RNF38: variants seen among roughly 807,000 people sequenced by gnomAD.
RNF38 encodes the protein ring finger protein 38.
A neutral mutation model predicts 67.2 loss-of-function variants in RNF38; 15 were observed. The observed-to-expected ratio is 0.22, with a 90% CI of 0.15 to 0.34. The LOEUF (loss-of-function observed/expected upper bound fraction) is 0.34, where lower values mean the gene tolerates loss of function less well. Among genes scored for constraint, RNF38 ranks in the 10% least tolerant of loss-of-function variants. The probability of loss-of-function intolerance (pLI) is 1.00; values close to 1 mark genes in which losing one functional copy is unlikely to be tolerated. For missense variants in RNF38, 524 were observed against 639.9 expected (o/e 0.82, Z 1.95); for synonymous variants, 220 against 218.8 (o/e 1.01, Z -0.05).
chr9:36,444,630 T>C lies in RNF38; in HGVS notation n.242-19947A>G, dbSNP rs374194258. ...GCCTGACCAACATACTGAAATCCCA[T>C]CTCTACCAAAAATACAAAAATTAGC... On this transcript the variant is annotated intron_variant and non_coding_transcript_variant, in intron 1 of 3. Coordinates refer to the RNF38 transcript ENST00000488058. Among the ~76,000 whole-genome samples the C allele has an allele frequency of 5.9e-5, 9 of 152,172 alleles. No homozygotes were observed. In the East Asian group the frequency reaches 1.2e-3, roughly 20 times the overall value.
intron 9 of RNF38, among the ~76,000 whole-genome samples, chr9:36,345,751 C>T (rs1437931912): frequency 1.3e-5 from 2 of 152,144 alleles, no homozygotes; most frequent in African/African-American, 4.8e-5. Flanking sequence ...AAATAAGGAT[C>T]CAAACAAATC....
chr9:36,381,891 C>G (rs1836238030), intron 2 of RNF38, among the ~76,000 whole-genome samples: 1 of 152,184 alleles, frequency 6.6e-6, no homozygotes, highest in African/African-American at 2.4e-5. Context: ...GAATAAACCT[C>G]TTTAAAATGT....
At chr9:36,481,600 A>C (rs886901263) in intron 1 of RNF38, among the ~76,000 whole-genome samples, 2 of 152,206 alleles carry the variant, frequency 1.3e-5, no homozygotes, top group Non-Finnish European at 2.9e-5. Flanking sequence ...CAGCAGCATA[A>C]GCAAATTGAA....
intron 11 of RNF38, 104 bp downstream of exon 11, chr9:36,342,221 A>AT: frequency 1.2e-6 from 1 of 802,310 alleles, no homozygotes; most frequent in Non-Finnish European, 2.1e-6. Flanking sequence ...CTGTGTTTCC[A>AT]TTTTGTCTTC....
chr9:36,485,568 A>G (rs1201694190), intron 1 of RNF38, among the ~76,000 whole-genome samples: 1 of 152,168 alleles, frequency 6.6e-6, no homozygotes, highest in Non-Finnish European at 1.5e-5. Flanking sequence ...AGTCTCTCAC[A>G]AGTACATTTT....
Position 36,355,107 on chromosome 9 carries a change from C to T in RNF38, c.909+1196G>A, listed in dbSNP as rs144681867. Among the ~76,000 whole-genome samples, 151 of 152,354 alleles carry T rather than the reference C, an allele frequency of 9.9e-4. 1 individual carries two copies. Among genetic ancestry groups the T allele is most frequent in the Admixed American group, 3.5e-3 (54 of 15,302 alleles). On this transcript the variant is annotated intron_variant, in intron 6 of 11. Coordinates refer to ENST00000259605, the MANE Select transcript of RNF38 (RefSeq NM_022781.5). The stretch of plus-strand genomic sequence containing the variant: ...AAAAGATTGTCTTGCAGAAGCAATT[C>T]TACCTCTTCTGATGAGCCAAACTTG...
chr9:36,399,474 C>T (rs1029285164), intron 1 of RNF38, among the ~76,000 whole-genome samples: 8 of 110,214 alleles, frequency 7.3e-5, no homozygotes, highest in African/African-American at 2.7e-4. Context: ...GTGAAATATA[C>T]CATATTATAA....
At chr9:36,445,584 A>T (rs1839281522) in intron 1 of RNF38, among the ~76,000 whole-genome samples, 1 of 152,218 alleles carries the variant, frequency 6.6e-6, no homozygotes, top group Non-Finnish European at 1.5e-5. Flanking sequence ...GATGAGAGAG[A>T]GTGAAACAGT....
At chr9:36,346,900 T>C (rs1396237339) in intron 9 of RNF38, among the ~76,000 whole-genome samples, 1 of 152,030 alleles carries the variant, frequency 6.6e-6, no homozygotes, top group Admixed American at 6.6e-5. Context: ...GGCAGATCAC[T>C]TGAGGTCAGG....
chr9:36,377,251 G>C (rs1402438773), intron 2 of RNF38, among the ~76,000 whole-genome samples: 1 of 152,138 alleles, frequency 6.6e-6, no homozygotes, highest in Non-Finnish European at 1.5e-5. Context: ...ATCTATTACT[G>C]CAAGTTCTAA....
chr9:36,356,533 G>A (rs1018603102), intron 5 of RNF38, 60 bp from the exon 6 acceptor site: 43 of 1,386,132 alleles, frequency 3.1e-5, no homozygotes, highest in Non-Finnish European at 4.2e-5. Flanking sequence ...TAATTTAAAA[G>A]GATAGTGAGA....
At chr9:36,468,972 C>A (rs1469052634) in intron 1 of RNF38, among the ~76,000 whole-genome samples, 5 of 150,060 alleles carry the variant, frequency 3.3e-5, no homozygotes, top group Non-Finnish European at 5.9e-5. Flanking sequence ...ATTAGCTGGG[C>A]ATGGTGGCAG....
Position 36,400,255 on chromosome 9 carries a change from C to T in RNF38, c.-147G>A, listed in dbSNP as rs777689339. On this transcript the variant is annotated 5_prime_UTR_variant, in exon 1 of 12. It adds an upstream start codon to the 5' untranslated region. Coordinates refer to ENST00000259605, the MANE Select transcript of RNF38 (RefSeq NM_022781.5). Reference sequence around the variant, plus strand: ...AAAACGCAGCCTATCCAGAAACCCACGGAAGCAGAAGGACGCCAGAGAGGA... The same window carrying T: ...AAAACGCAGCCTATCCAGAAACCCATGGAAGCAGAAGGACGCCAGAGAGGA... 4.2e-5 allele frequency: 58 copies of T among 1,371,104 alleles called. No individual in the cohort carries two copies. The highest frequency in any genetic ancestry group is 5.4e-5 in the Non-Finnish European group (57 of 1,056,972). 84.9% of individuals were successfully genotyped at this position (1,371,104 alleles called of 1,614,324 possible). A position where few individuals can be genotyped will look rare whatever the true frequency, so the allele number is the denominator to read the frequency against.
intron 2 of RNF38, among the ~76,000 whole-genome samples, chr9:36,414,171 CTTGG>C (rs1285213224): frequency 1.3e-5 from 2 of 152,256 alleles, no homozygotes; most frequent in East Asian, 3.9e-4. Flanking sequence ...ACAGCAGATA[CTTGG>C]TTGGTGAATT....
intron 1 of RNF38, among the ~76,000 whole-genome samples, chr9:36,478,059 T>C (rs918334856): frequency 1.3e-5 from 2 of 151,836 alleles, no homozygotes; most frequent in Non-Finnish European, 2.9e-5. Context: ...ACAGTAATAA[T>C]TAACATATTA....
At chr9:36,411,559 A>G (rs1838325908) in intron 2 of RNF38, among the ~76,000 whole-genome samples, 1 of 152,146 alleles carries the variant, frequency 6.6e-6, no homozygotes, top group African/African-American at 2.4e-5. Flanking sequence ...GATGTATATT[A>G]CAATGACATT....
At chr9:36,450,083 A>G (rs1443895424) in intron 1 of RNF38, among the ~76,000 whole-genome samples, 1 of 152,204 alleles carries the variant, frequency 6.6e-6, no homozygotes, top group Non-Finnish European at 1.5e-5. Context: ...GGTAGAATAT[A>G]CATAAACTTC....
intron 1 of RNF38, among the ~76,000 whole-genome samples, chr9:36,463,938 C>T (rs183871659): frequency 1.1e-4 from 17 of 152,040 alleles, no homozygotes; most frequent in Admixed American, 6.6e-5. Context: ...GAGGCCGAGG[C>T]GGGCGGATCA....
At chr9:36,425,844 C>T (rs1838755487) in intron 1 of RNF38, among the ~76,000 whole-genome samples, 1 of 152,170 alleles carries the variant, frequency 6.6e-6, no homozygotes, top group Non-Finnish European at 1.5e-5. Flanking sequence ...ATCACAGGCA[C>T]ACGCCACCAC....
Sources: allele counts gnomAD v4.1 joint callset (sites outside exome capture counted in the v4.1 genomes callset), GRCh38; gene constraint gnomAD v4.1.1; transcripts MANE v1.5; gene names NCBI Gene and HGNC (gene_info 2026-07-23, HGNC 2026-07-21).